Variants in TRDN observed in about 807,000 individuals in gnomAD.
The protein encoded by TRDN is triadin in skeletal muscle.
In TRDN, 161 loss-of-function variants were observed where a neutral mutation model predicts 149.7. The ratio of observed to expected loss-of-function variants is 1.08; its 90% CI spans 0.95 to 1.23. The LOEUF (loss-of-function observed/expected upper bound fraction) is 1.23, where lower values mean the gene tolerates loss of function less well. Ranked by LOEUF, TRDN falls within the 50% of genes most tolerant of loss-of-function variation. The pLI is 0.00. For synonymous variants in TRDN, 294 were observed against 250.5 expected (o/e 1.17, Z -1.64); for missense variants, 896 against 823.5 (o/e 1.09, Z -1.08).
In TRDN at chr6:123,636,912, C is replaced by A; in HGVS notation, c.-137G>T. ...CTCTTCGTTTTCCTGGCTGTTTCTG[C>A]TGCTTCTTTGTTGTCCTGTTGAACT... is the stretch of plus-strand genomic sequence containing the variant. On this transcript the variant is annotated 5_prime_UTR_variant, in exon 1 of 41. Coordinates refer to ENST00000334268, the MANE Select transcript of TRDN (RefSeq NM_006073.4). The A allele has an allele frequency of 1.0e-6, 1 of 971,032 alleles. No homozygotes were observed. Among genetic ancestry groups the A allele is most frequent in the Non-Finnish European group, 1.6e-6 (1 of 626,402 alleles). The allele number at this position is 971,032 out of a possible 1,614,324, so 60.2% of individuals were successfully genotyped here.
chr6:123,502,171 G>A, intron 8 of TRDN: 3 of 984,018 alleles, frequency 3.0e-6, no homozygotes, highest in Non-Finnish European at 3.6e-6. Flanking sequence ...AGGATTTCAG[G>A]ATCTAAGTAA....
chr6:123,260,673 A>C (rs986004355), intron 33 of TRDN, 35 bp from the exon 34 acceptor site: 61 of 1,409,112 alleles, frequency 4.3e-5, no homozygotes, highest in Non-Finnish European at 5.6e-5. Context: ...TGTAGAAAGA[A>C]AGGAAAAAAA....
chr6:123,401,928 C>A (rs574789462), intron 12 of TRDN, among the ~76,000 whole-genome samples: 3 of 143,520 alleles, frequency 2.1e-5, no homozygotes, highest in Non-Finnish European at 3.0e-5. Context: ...GCCTGGGTAA[C>A]GGAGCGAGAC....
intron 1 of TRDN, among the ~76,000 whole-genome samples, chr6:123,619,793 T>C (rs1185897927): frequency 6.6e-6 from 1 of 151,760 alleles, no homozygotes; most frequent in Middle Eastern, 3.2e-3. Flanking sequence ...GAAGTTTAAA[T>C]GAGAAGAAAA....
intron 1 of TRDN, among the ~76,000 whole-genome samples, chr6:123,632,774 G>A (rs1030566708): frequency 5.3e-5 from 8 of 151,804 alleles, no homozygotes; most frequent in Non-Finnish European, 1.0e-4. Flanking sequence ...AGGTTGGATC[G>A]CCTCATAATT....
chr6:123,596,857 T>G (rs1329700938), intron 1 of TRDN, among the ~76,000 whole-genome samples: 3 of 152,110 alleles, frequency 2.0e-5, no homozygotes, highest in African/African-American at 7.2e-5. Context: ...TTCAAAATAT[T>G]TCTGCTTATT....
intron 37 of TRDN, among the ~76,000 whole-genome samples, chr6:123,253,849 T>C (rs376374332): frequency 3.9e-5 from 6 of 152,088 alleles, no homozygotes; most frequent in African/African-American, 1.4e-4. Context: ...TGGGGGCAAA[T>C]TGGGATATAC....
intron 21 of TRDN, among the ~76,000 whole-genome samples, chr6:123,348,563 A>G (rs1780342309): frequency 6.6e-6 from 1 of 152,106 alleles, no homozygotes; most frequent in African/African-American, 2.4e-5. Flanking sequence ...CTGTAAATAA[A>G]AGAAGAAAAT....
intron 9 of TRDN, chr6:123,470,734 T>G (rs1777105265): frequency 6.6e-6 from 1 of 152,234 alleles, no homozygotes; most frequent in Non-Finnish European, 1.5e-5. Flanking sequence ...ATGATAGGAT[T>G]TTAAAAGATC....
At chr6:123,604,851 C>A (rs1535352) in intron 1 of TRDN, among the ~76,000 whole-genome samples, 37,435 of 151,772 alleles carry the variant, frequency 0.25, 4,759 homozygotes, top group East Asian at 0.43. Flanking sequence ...GTGTCATTCA[C>A]CACTACGGGA....
intron 10 of TRDN, among the ~76,000 whole-genome samples, chr6:123,440,622 A>C (rs1160802279): frequency 6.6e-6 from 1 of 152,202 alleles, no homozygotes; most frequent in East Asian, 1.9e-4. Flanking sequence ...TTCTAAGCTC[A>C]AGCTAAACAC....
intron 38 of TRDN, among the ~76,000 whole-genome samples, chr6:123,239,489 T>A (rs1055761221): frequency 2.6e-5 from 4 of 152,142 alleles, no homozygotes; most frequent in Non-Finnish European, 4.4e-5. Flanking sequence ...TTACTGAAAC[T>A]AATATATTAG....
rs894220649 is a variant in TRDN at position 123,548,434 on chromosome 6, T to C, written c.391+20A>G. On this transcript the variant is annotated intron_variant, in intron 3 of 40. Transcript: ENST00000334268. Reference sequence around the variant, plus strand: ...TAATGTTGCTCCTAGCAGTTAGATATATCTCTATGTTCTTTGTACCTTTAT... The same window carrying C: ...TAATGTTGCTCCTAGCAGTTAGATACATCTCTATGTTCTTTGTACCTTTAT... 4 of 1,492,956 alleles carry C rather than the reference T, an allele frequency of 2.7e-6. No homozygotes were observed. In the African/African-American group the frequency reaches 4.3e-5, roughly 16 times the overall value. 92.5% of individuals were successfully genotyped at this position (1,492,956 alleles called of 1,614,324 possible).
Position 123,218,238 on chromosome 6 carries a change from AT to A in TRDN, c.*362del, listed in dbSNP as rs1775017166. 1 of 160,392 alleles carries A rather than the reference AT, an allele frequency of 6.2e-6. No homozygotes were observed. Among genetic ancestry groups the A allele is most frequent in the African/African-American group, 2.4e-5 (1 of 41,680 alleles). 9.9% of individuals were successfully genotyped at this position (160,392 alleles called of 1,614,324 possible). A position where few individuals can be genotyped will look rare whatever the true frequency, so the allele number is the denominator to read the frequency against. ...CACAGTCTATGTTGTCATTAAAAAA[AT>A]AATAGCTAACTGAAGCCAGGAATTC... On this transcript the variant is annotated 3_prime_UTR_variant, in exon 41 of 41. Coordinates refer to ENST00000334268, the MANE Select transcript of TRDN (RefSeq NM_006073.4).
Position 123,547,302 on chromosome 6 carries a change from G to A in TRDN, c.424+38C>T, listed in dbSNP as rs781420948. 2.3e-5 allele frequency: 30 copies of A among 1,295,902 alleles called. No homozygotes were observed. In the Admixed American group the frequency reaches 7.9e-4, roughly 34 times the overall value. The allele number at this position is 1,295,902 out of a possible 1,614,324, so 80.3% of individuals were successfully genotyped here. ...ATGCTGAAAACCAATATTACCATAA[G>A]AGAAAAATAATTATTATCAAAGGTG... is the stretch of plus-strand genomic sequence containing the variant. On this transcript the variant is annotated intron_variant, in intron 4 of 40. Coordinates refer to ENST00000334268, the MANE Select transcript of TRDN (RefSeq NM_006073.4).
At chr6:123,348,274 G>A (rs920370978) in intron 21 of TRDN, among the ~76,000 whole-genome samples, 6 of 152,080 alleles carry the variant, frequency 3.9e-5, no homozygotes, top group Non-Finnish European at 7.4e-5. Context: ...GCAGGTAAAT[G>A]TTGTGTAGAA....
chr6:123,296,297 T>C (rs1460470284), intron 24 of TRDN, among the ~76,000 whole-genome samples: 2 of 152,180 alleles, frequency 1.3e-5, no homozygotes, highest in Admixed American at 6.6e-5. Flanking sequence ...GCTGTAGATA[T>C]ACATCTTAGC....
intron 12 of TRDN, among the ~76,000 whole-genome samples, chr6:123,428,398 G>A (rs1205793762): frequency 1.3e-5 from 2 of 152,120 alleles, no homozygotes; most frequent in African/African-American, 2.4e-5. Context: ...ATATAGGGCA[G>A]CACCTATGGC....
chr6:123,427,203 G>A (rs1774159133), intron 12 of TRDN, among the ~76,000 whole-genome samples: 1 of 151,284 alleles, frequency 6.6e-6, no homozygotes, highest in South Asian at 2.1e-4. Context: ...CAGAAGAGAT[G>A]GTGTCAGCTC....
Sources: allele counts gnomAD v4.1 joint callset (sites outside exome capture counted in the v4.1 genomes callset), GRCh38; gene constraint gnomAD v4.1.1; transcripts MANE v1.5; gene names NCBI Gene and HGNC (gene_info 2026-07-23, HGNC 2026-07-21).